Variants in AKAP19 observed in about 807,000 individuals in gnomAD.
The protein encoded by AKAP19 is small A-kinase anchoring protein.
At chr2:190,070,575 G>A in the AKAP19 span, among the ~76,000 whole-genome samples, 11 of 151,018 alleles carry the variant, frequency 7.3e-5, no homozygotes, top group Non-Finnish European at 1.3e-4. Context: ...TTTAAACCTT[G>A]AGTTCAGCGA....
the AKAP19 span, among the ~76,000 whole-genome samples, chr2:189,882,153 CT>C: frequency 1.3e-5 from 2 of 152,252 alleles, no homozygotes; most frequent in East Asian, 3.9e-4. Flanking sequence ...GACATTCTTT[CT>C]AAATTAACTG....
chr2:189,982,842 A>C, the AKAP19 span, among the ~76,000 whole-genome samples: 1 of 151,878 alleles, frequency 6.6e-6, no homozygotes, highest in Non-Finnish European at 1.5e-5. Context: ...TGCTTGTTGT[A>C]GTGGTGTACT....
At chr2:189,944,669 C>G in the AKAP19 span, among the ~76,000 whole-genome samples, 1 of 152,170 alleles carries the variant, frequency 6.6e-6, no homozygotes, top group Non-Finnish European at 1.5e-5. Flanking sequence ...TAACACCCCA[C>G]TATCATTAAC....
chr2:190,195,474 TCTCA>T, the AKAP19 span, among the ~76,000 whole-genome samples: 4 of 152,348 alleles, frequency 2.6e-5, no homozygotes, highest in South Asian at 2.1e-4. Flanking sequence ...TTTGCCATTA[TCTCA>T]CTGTTTAAAT....
At chr2:190,150,091 G>A in the AKAP19 span, among the ~76,000 whole-genome samples, 2 of 152,142 alleles carry the variant, frequency 1.3e-5, no homozygotes, top group Admixed American at 6.5e-5. Context: ...CCCCCAATCC[G>A]TTTCCAGGCA....
the AKAP19 span, among the ~76,000 whole-genome samples, chr2:189,919,246 G>T: frequency 0.012 from 1,883 of 152,224 alleles, 37 homozygotes; most frequent in African/African-American, 0.04. Flanking sequence ...TGGGGGAAGG[G>T]ATAGATGGAG....
the AKAP19 span, among the ~76,000 whole-genome samples, chr2:190,094,655 C>T: frequency 1.5e-3 from 224 of 152,218 alleles, no homozygotes; most frequent in African/African-American, 4.6e-3. Context: ...GTTTTCCTGC[C>T]GGCAAAGTCT....
At chr2:190,140,651 C>T in the AKAP19 span, among the ~76,000 whole-genome samples, 3 of 152,214 alleles carry the variant, frequency 2.0e-5, no homozygotes, top group Non-Finnish European at 4.4e-5. Flanking sequence ...AGGCTGCATA[C>T]AGCAGGGAGG....
chr2:190,018,712 C>T, the AKAP19 span, among the ~76,000 whole-genome samples: 1 of 152,048 alleles, frequency 6.6e-6, no homozygotes, highest in African/African-American at 2.4e-5. Context: ...TTTTTGTGAT[C>T]TTTGTGTCAT....
chr2:190,062,122 G>A, the AKAP19 span: 1 of 1,263,968 alleles, frequency 7.9e-7, no homozygotes, highest in African/African-American at 2.0e-5. Flanking sequence ...TTACATACAG[G>A]CCAACAGCTT....
chr2:190,013,755 T>A, the AKAP19 span, among the ~76,000 whole-genome samples: 1 of 152,068 alleles, frequency 6.6e-6, no homozygotes, highest in South Asian at 2.1e-4. Flanking sequence ...CCTGACCTCA[T>A]GATCCACCCA....
At chr2:189,937,790 A>AC in the AKAP19 span, among the ~76,000 whole-genome samples, 2 of 152,134 alleles carry the variant, frequency 1.3e-5, no homozygotes, top group African/African-American at 4.8e-5. Flanking sequence ...AGAAAAGGGA[A>AC]CCCTCATACA....
the AKAP19 span, among the ~76,000 whole-genome samples, chr2:190,130,769 A>T: frequency 2.6e-5 from 4 of 152,342 alleles, no homozygotes; most frequent in South Asian, 8.3e-4. Context: ...AAACAGCGGT[A>T]GATCAACAGA....
the AKAP19 span, among the ~76,000 whole-genome samples, chr2:190,082,816 T>A: frequency 2.0e-5 from 3 of 152,344 alleles, no homozygotes; most frequent in South Asian, 6.2e-4. Context: ...TAAACCCACT[T>A]TCTCTCCACT....
chr2:189,889,001 C>T, the AKAP19 span, among the ~76,000 whole-genome samples: 1 of 152,154 alleles, frequency 6.6e-6, no homozygotes, highest in Admixed American at 6.5e-5. Context: ...GAGGGCATCC[C>T]TGTCTTGTGC....
the AKAP19 span, among the ~76,000 whole-genome samples, chr2:190,091,932 T>C: frequency 6.6e-6 from 1 of 152,058 alleles, no homozygotes; most frequent in African/African-American, 2.4e-5. Flanking sequence ...ATTAATATTT[T>C]TGTTTATCTA....
the AKAP19 span, among the ~76,000 whole-genome samples, chr2:190,143,056 G>T: frequency 1.3e-5 from 2 of 152,082 alleles, no homozygotes; most frequent in East Asian, 3.9e-4. Context: ...GGGGGCGGGG[G>T]TGTGTGATTT....
At chr2:190,181,102 CGTGTT>C in the AKAP19 span, 1 of 985,544 alleles carries the variant, frequency 1.0e-6, no homozygotes, top group Non-Finnish European at 1.2e-6. Context: ...TGCCGGGCAA[CGTGTT>C]GTGTAAGTGA....
At chr2:189,947,865 C>G in the AKAP19 span, among the ~76,000 whole-genome samples, 10 of 152,064 alleles carry the variant, frequency 6.6e-5, no homozygotes, top group Non-Finnish European at 7.4e-5. Flanking sequence ...TTCAAAAGCA[C>G]ATACTTTGTT....
Sources: gnomAD v4.1 joint callset for allele counts (sites outside exome capture counted in the v4.1 genomes callset) on GRCh38, gnomAD v4.1.1 for gene constraint, MANE v1.5 for transcripts, NCBI Gene and HGNC (gene_info 2026-07-23, HGNC 2026-07-21) for gene names.